The following RNF212 variants were observed in gnomAD, a reference collection of about 807,000 sequenced individuals.
RNF212 encodes the protein ring finger protein 212.
A neutral mutation model predicts 34.7 loss-of-function variants in RNF212; 33 were observed. The observed-to-expected ratio is 0.95, with a 90% CI of 0.72 to 1.27. The LOEUF is 1.27. Ranked by LOEUF, RNF212 falls within the 50% of genes most tolerant of loss-of-function variation. The pLI, the probability that RNF212 is intolerant of heterozygous loss-of-function variation, is 0.00. For missense variants in RNF212, 377 were observed against 362.2 expected (o/e 1.04, Z -0.33); for synonymous variants, 140 against 136.1 (o/e 1.03, Z -0.20).
chr4:1,098,408 G>T (rs1231447947), intron 2 of RNF212, among the ~76,000 whole-genome samples: 1 of 152,224 alleles, frequency 6.6e-6, no homozygotes, highest in African/African-American at 2.4e-5. Flanking sequence ...AGGTGCAGAT[G>T]AAGAGGTCCT....
intron 1 of RNF212, among the ~76,000 whole-genome samples, chr4:1,109,913 C>G (rs1381274793): frequency 6.6e-6 from 1 of 152,204 alleles, no homozygotes; most frequent in Non-Finnish European, 1.5e-5. Flanking sequence ...CTTCTAACAG[C>G]CTCCAGAATT....
chr4:1,098,562 G>A (rs1040222341), intron 2 of RNF212, among the ~76,000 whole-genome samples: 6 of 152,118 alleles, frequency 3.9e-5, no homozygotes, highest in Non-Finnish European at 8.8e-5. Context: ...AGGAGCTCCC[G>A]TGTAACACCC....
chr4:1,059,204 G>A (rs1394603521), intron 3 of RNF212, among the ~76,000 whole-genome samples: 1 of 152,164 alleles, frequency 6.6e-6, no homozygotes, highest in Non-Finnish European at 1.5e-5. Flanking sequence ...GGCAGCCTCC[G>A]TGCCCCCGAC....
In RNF212 at chr4:1,094,405, G is replaced by A. The variant is rs377585172; in HGVS notation, c.246+2360C>T. ...GGACAATGACCTGCGTCAGAAGCTGGGGGTGGGGGAGGCTTGGAGTGGAGG... is the reference window on the plus strand; with the variant it reads ...GGACAATGACCTGCGTCAGAAGCTGAGGGTGGGGGAGGCTTGGAGTGGAGG... On this transcript the variant is annotated intron_variant, in intron 3 of 9. Transcript: ENST00000433731. Among the ~76,000 whole-genome samples the A allele has an allele frequency of 2.9e-4, 44 of 152,334 alleles. No individual in the cohort carries two copies. The East Asian group carries it at 8.3e-3, about 29-fold the overall frequency.
intron 2 of RNF212, chr4:1,099,687 A>G (rs1055556551): frequency 5.3e-5 from 24 of 456,052 alleles, no homozygotes; most frequent in Non-Finnish European, 1.0e-4. Flanking sequence ...ACAATGGTAC[A>G]GTAACGAGGA....
chr4:1,058,015 G>C (rs11727135), intron 4 of RNF212, among the ~76,000 whole-genome samples: 122,483 of 151,472 alleles, frequency 0.81, 50,238 homozygotes, highest in African/African-American at 0.94. Context: ...GAGCCAAGAT[G>C]GTGCTACTGC....
At chr4:1,059,183 C>T (rs1717569306) in intron 3 of RNF212, among the ~76,000 whole-genome samples, 1 of 152,216 alleles carries the variant, frequency 6.6e-6, no homozygotes, top group Non-Finnish European at 1.5e-5. Flanking sequence ...GGCAGGAGGC[C>T]CCGAGCACAA....
rs375103536 is a variant in RNF212, at chr4:1,081,636, A to G, written c.363-17T>C. 1 of 1,579,300 alleles carries G rather than the reference A, an allele frequency of 6.3e-7. No individual in the cohort carries two copies. Among genetic ancestry groups the G allele is most frequent in the Non-Finnish European group, 8.7e-7 (1 of 1,148,842 alleles). On this transcript the variant is annotated splice_polypyrimidine_tract_variant and intron_variant, in intron 5 of 9. Coordinates refer to ENST00000433731, the MANE Select transcript of RNF212 (RefSeq NM_001131034.4). ...GATCTCATACTAAATAGATGGAGAA[A>G]AGGTATTGAATTAAATCATAAAAAC... is the stretch of plus-strand genomic sequence containing the variant.
intron 3 of RNF212, among the ~76,000 whole-genome samples, chr4:1,094,584 GC>G (rs1722753495): frequency 1.3e-5 from 2 of 152,126 alleles, no homozygotes; most frequent in African/African-American, 4.8e-5. Flanking sequence ...CAGGATGGGG[GC>G]CCATGGGGCC....
intron 5 of RNF212, among the ~76,000 whole-genome samples, chr4:1,084,600 C>T (rs928289483): frequency 2.6e-5 from 4 of 151,736 alleles, no homozygotes; most frequent in South Asian, 2.1e-4. Flanking sequence ...TGTGGTGGTG[C>T]GTGCCTGTGG....
At chr4:1,058,768 C>T (rs6852246) in intron 3 of RNF212, among the ~76,000 whole-genome samples, 7 of 152,144 alleles carry the variant, frequency 4.6e-5, no homozygotes, top group African/African-American at 1.7e-4. Context: ...CACTGAGGGG[C>T]CCTCGGCCCG....
chr4:1,076,220 T>A (rs962321946), intron 8 of RNF212, among the ~76,000 whole-genome samples: 55 of 152,248 alleles, frequency 3.6e-4, no homozygotes, highest in African/African-American at 1.3e-3. Flanking sequence ...GGCCTTAGGC[T>A]CTGCTTCTCC....
chr4:1,074,446 C>T (rs896050706), intron 8 of RNF212, among the ~76,000 whole-genome samples: 4 of 152,318 alleles, frequency 2.6e-5, no homozygotes, highest in Admixed American at 2.6e-4. Flanking sequence ...GCTTCTGCCC[C>T]CGGCACAGCC....
At chr4:1,079,943 C>G (rs1720058186) in intron 7 of RNF212, among the ~76,000 whole-genome samples, 1 of 152,216 alleles carries the variant, frequency 6.6e-6, no homozygotes, top group East Asian at 1.9e-4. Flanking sequence ...GTTGGGCTCT[C>G]CCTGGCATTC....
chr4:1,079,700 A>G lies in RNF212; in HGVS notation c.465-12T>C, dbSNP rs369413262. 6 of 1,605,472 alleles carry G rather than the reference A, an allele frequency of 3.7e-6. No homozygotes were observed. Among genetic ancestry groups the G allele is most frequent in the Non-Finnish European group, 5.1e-6 (6 of 1,172,310 alleles). Reference sequence around the variant, plus strand: ...CCATCGACTCCAGTCTGTTAAACACATAGTGAAAGGCTTTGAGTGAGCCCA... The same window carrying G: ...CCATCGACTCCAGTCTGTTAAACACGTAGTGAAAGGCTTTGAGTGAGCCCA... On this transcript the variant is annotated splice_polypyrimidine_tract_variant and intron_variant, in intron 7 of 9. Coordinates refer to ENST00000433731, the MANE Select transcript of RNF212 (RefSeq NM_001131034.4).
chr4:1,084,757 G>C (rs1435377936), intron 5 of RNF212, among the ~76,000 whole-genome samples: 1 of 147,170 alleles, frequency 6.8e-6, no homozygotes, highest in Non-Finnish European at 1.5e-5. Flanking sequence ...AAAAGCGAAG[G>C]AAAGGAAGGA....
intron 2 of RNF212, among the ~76,000 whole-genome samples, chr4:1,107,020 G>A (rs2153065293): frequency 6.6e-6 from 1 of 152,150 alleles, no homozygotes; most frequent in African/African-American, 2.4e-5. Flanking sequence ...TTAAGAGTGA[G>A]TGTGCCCAAA....
intron 5 of RNF212, among the ~76,000 whole-genome samples, chr4:1,084,796 G>A (rs1257361472): frequency 6.6e-6 from 1 of 151,208 alleles, no homozygotes; most frequent in Non-Finnish European, 1.5e-5. Flanking sequence ...GCTGGATTTG[G>A]CCTGGAGTTT....
At chr4:1,063,207 T>C (rs1717864281) in intron 3 of RNF212, among the ~76,000 whole-genome samples, 1 of 152,120 alleles carries the variant, frequency 6.6e-6, no homozygotes, top group Non-Finnish European at 1.5e-5. Context: ...GGAAAGTTGA[T>C]CCTAAAATTC....
Sources: gnomAD v4.1 joint callset for allele counts (sites outside exome capture counted in the v4.1 genomes callset) on GRCh38, gnomAD v4.1.1 for gene constraint, MANE v1.5 for transcripts, NCBI Gene and HGNC (gene_info 2026-07-23, HGNC 2026-07-21) for gene names.